The following TENT5D variants were observed in gnomAD, a reference collection of about 807,000 sequenced individuals.
TENT5D encodes the protein terminal nucleotidyltransferase 5D.
For synonymous variants in TENT5D, 103 were observed against 100.6 expected, an observed-to-expected ratio of 1.02 and a Z score of -0.15; for missense variants, 191 against 287.0, an observed-to-expected ratio of 0.67 and a Z score of 2.42.
chrX:80,432,365 C>T (rs1010305774), intron 1 of TENT5D, among the ~76,000 whole-genome samples: 1 of 110,875 alleles, frequency 9.0e-6, no homozygotes, highest in Admixed American at 9.6e-5. Flanking sequence ...TGAAAGGAAA[C>T]TGGATTGGAA....
At chrX:80,336,650 C>T (rs922793472) in intron 2 of TENT5D, among the ~76,000 whole-genome samples, 3 of 109,198 alleles carry the variant, frequency 2.7e-5, no homozygotes, top group Non-Finnish European at 5.7e-5. Flanking sequence ...TTTTTTAACA[C>T]AGCTATTTCA....
intron 3 of TENT5D, among the ~76,000 whole-genome samples, chrX:80,406,075 A>T (rs1931486985): frequency 9.1e-6 from 1 of 109,694 alleles, no homozygotes; most frequent in South Asian, 4.0e-4. Context: ...AACAGAAAGG[A>T]CATCCACACC....
At chrX:80,441,843 T>A (rs1932287933) in intron 2 of TENT5D, among the ~76,000 whole-genome samples, 1 of 111,062 alleles carries the variant, frequency 9.0e-6, no homozygotes, top group Admixed American at 9.7e-5. Flanking sequence ...TAGTCTCATC[T>A]GTTTTTCATT....
chrX:80,403,761 G>A (rs1931432211), intron 3 of TENT5D, among the ~76,000 whole-genome samples: 1 of 111,876 alleles, frequency 8.9e-6, no homozygotes, highest in Non-Finnish European at 1.9e-5. Context: ...GGTGGAATTT[G>A]TAGATTGCTT....
chrX:80,440,937 G>C (rs921151025), intron 2 of TENT5D, among the ~76,000 whole-genome samples: 10 of 111,013 alleles, frequency 9.0e-5, no homozygotes, highest in Non-Finnish European at 1.9e-4. Context: ...AATTTCAGAA[G>C]GAACTAGAAA....
intron 3 of TENT5D, among the ~76,000 whole-genome samples, chrX:80,352,511 C>T (rs746994572): frequency 1.5e-4 from 17 of 110,102 alleles, no homozygotes; most frequent in South Asian, 7.8e-4. Context: ...GCCTTCCCCC[C>T]ACCAAGCTCC....
intron 3 of TENT5D, among the ~76,000 whole-genome samples, chrX:80,358,122 C>T (rs921905240): frequency 3.6e-5 from 4 of 111,762 alleles, no homozygotes; most frequent in Non-Finnish European, 7.5e-5. Context: ...ATGTAGAAAG[C>T]TGAAACTGGA....
intron 3 of TENT5D, among the ~76,000 whole-genome samples, chrX:80,353,882 T>G (rs1930232670): frequency 8.9e-6 from 1 of 112,522 alleles, no homozygotes; most frequent in African/African-American, 3.2e-5. Context: ...TGAACTAATT[T>G]ACATTCCCAC....
chrX:80,366,509 AT>A (rs1049104517), intron 3 of TENT5D, among the ~76,000 whole-genome samples: 16 of 111,305 alleles, frequency 1.4e-4, no homozygotes, highest in Non-Finnish European at 1.9e-5. Flanking sequence ...ACTTTTTGTA[AT>A]TTTCCCTTTT....
At chrX:80,340,664 A>C (rs1347504222) in intron 2 of TENT5D, among the ~76,000 whole-genome samples, 1 of 111,319 alleles carries the variant, frequency 9.0e-6, no homozygotes, top group East Asian at 2.8e-4. Context: ...AACTGTAGAC[A>C]TTTCGGTCTG....
At chrX:80,385,644 A>T (rs1476378493) in intron 3 of TENT5D, among the ~76,000 whole-genome samples, 1 of 111,855 alleles carries the variant, frequency 8.9e-6, no homozygotes, top group Non-Finnish European at 1.9e-5. Flanking sequence ...CAACCTACAG[A>T]ATGGGAGAAA....
intron 3 of TENT5D, among the ~76,000 whole-genome samples, chrX:80,350,203 G>T (rs1474060149): frequency 9.0e-6 from 1 of 111,309 alleles, no homozygotes; most frequent in Non-Finnish European, 1.9e-5. Flanking sequence ...GAATATCCTT[G>T]TTAATTTTCT....
chrX:80,397,638 C>T (rs769866730), intron 3 of TENT5D, among the ~76,000 whole-genome samples: 2 of 64,307 alleles, frequency 3.1e-5, no homozygotes, highest in Admixed American at 4.0e-4. Context: ...AGCCTGGGCA[C>T]CATGGAGCAC....
chrX:80,392,495 C>CTTTTTTGTT (rs1931151095), intron 3 of TENT5D, among the ~76,000 whole-genome samples: 1 of 24,289 alleles, frequency 4.1e-5, no homozygotes. Context: ...TCATTTTATT[C>CTTTTTTGTT]TTTTTTTTTT....
intron 1 of TENT5D, among the ~76,000 whole-genome samples, chrX:80,427,548 G>C (rs757447596): frequency 2.7e-5 from 3 of 111,614 alleles, no homozygotes; most frequent in Admixed American, 9.6e-5. Context: ...AAAAATATTT[G>C]ATCCAAGGGC....
At position 80,380,846 on chromosome X, in the gene TENT5D, G is replaced by C. The variant is rs748236061; in HGVS notation, c.-142+38282G>C. ...CTCCATCCCTTTATTTTGAGTCTAT[G>C]TGTGTCTTTGCATGTGAAATGGGTC... On this transcript the variant is annotated intron_variant, in intron 3 of 4. Transcript: ENST00000538312. Among the ~76,000 whole-genome samples, 848 of 111,196 alleles carry C rather than the reference G, an allele frequency of 7.6e-3. 7 individuals are homozygous for C. Among genetic ancestry groups the C allele is most frequent in the African/African-American group, 0.026 (800 of 30,524 alleles).
At chrX:80,410,020 T>G (rs1227955864) in intron 3 of TENT5D, among the ~76,000 whole-genome samples, 1 of 106,721 alleles carries the variant, frequency 9.4e-6, no homozygotes, top group African/African-American at 3.4e-5. Flanking sequence ...TAAATGGTGC[T>G]GGGAAAACTG....
intron 3 of TENT5D, among the ~76,000 whole-genome samples, chrX:80,407,798 A>AT (rs1259472382): frequency 1.2e-4 from 13 of 106,007 alleles, no homozygotes; most frequent in African/African-American, 3.1e-4. Flanking sequence ...CAGAATATAC[A>AT]TTTTTTTCAG....
chrX:80,382,714 C>CA (rs1556064222), intron 3 of TENT5D, among the ~76,000 whole-genome samples: 3 of 109,816 alleles, frequency 2.7e-5, no homozygotes, highest in East Asian at 5.8e-4. Flanking sequence ...GCCCCCCCCC[C>CA]ACTGCCAGGC....
Sources: allele counts gnomAD v4.1 joint callset (sites outside exome capture counted in the v4.1 genomes callset), GRCh38; gene constraint gnomAD v4.1.1; transcripts MANE v1.5; gene names NCBI Gene and HGNC (gene_info 2026-07-23, HGNC 2026-07-21).